The following KHDRBS2 variants were observed in gnomAD, a reference collection of about 807,000 sequenced individuals.
KHDRBS2 encodes the protein KH domain-containing, RNA-binding, signal transduction-associated protein 2.
KHDRBS2 carries 26 observed loss-of-function variants against 44.3 expected under a neutral mutation model. That is an observed-to-expected ratio of 0.59 (90% CI 0.43 to 0.81). KHDRBS2 has a LOEUF of 0.81. Among genes scored for constraint, KHDRBS2 ranks in the 40% least tolerant of loss-of-function variants. KHDRBS2 has a pLI of 0.00. For synonymous variants in KHDRBS2, 194 were observed against 151.1 expected, an observed-to-expected ratio of 1.28 and a Z score of -2.08; for missense variants, 476 against 433.1, an observed-to-expected ratio of 1.10 and a Z score of -0.88.
intron 4 of KHDRBS2, among the ~76,000 whole-genome samples, chr6:61,939,547 TA>T (rs5876758): frequency 1.3e-5 from 2 of 151,724 alleles, no homozygotes; most frequent in African/African-American, 4.8e-5. Flanking sequence ...GAACAATGGG[TA>T]AAAAAAACAG....
At chr6:62,204,415 C>A (rs1827597704) in intron 1 of KHDRBS2, among the ~76,000 whole-genome samples, 1 of 152,066 alleles carries the variant, frequency 6.6e-6, no homozygotes. Flanking sequence ...ATCCCTTGTC[C>A]AAAACTGGTT....
the KHDRBS2 span, among the ~76,000 whole-genome samples, chr6:61,611,319 A>C: frequency 6.6e-6 from 1 of 152,216 alleles, no homozygotes; most frequent in Non-Finnish European, 1.5e-5. Flanking sequence ...TAGTGAAAAA[A>C]GTACCCAATC....
rs570088298 is a variant in KHDRBS2 at position 62,071,777 on chromosome 6, T to C, written c.220-23783A>G. On this transcript the variant is annotated intron_variant, in intron 2 of 8. Transcript: ENST00000281156. Reference sequence around the variant, plus strand: ...TATAGTTTGAAGTCAGGTAGCGTGATGCCTCCAGCTTTGTTCTTTCGGCTT... The same window carrying C: ...TATAGTTTGAAGTCAGGTAGCGTGACGCCTCCAGCTTTGTTCTTTCGGCTT... Among the ~76,000 whole-genome samples, 4 of 152,348 alleles carry C rather than the reference T, an allele frequency of 2.6e-5. No individual in the cohort carries two copies. In the South Asian group the frequency reaches 6.2e-4, roughly 24 times the overall value.
At chr6:61,544,016 A>G in the KHDRBS2 span, among the ~76,000 whole-genome samples, 1 of 152,058 alleles carries the variant, frequency 6.6e-6, no homozygotes, top group Non-Finnish European at 1.5e-5. Flanking sequence ...AGTAGTTGGA[A>G]ACAATGAATT....
intron 2 of KHDRBS2, among the ~76,000 whole-genome samples, chr6:62,064,939 AAAAC>A (rs1314950835): frequency 2.0e-5 from 3 of 151,936 alleles, no homozygotes; most frequent in East Asian, 3.9e-4. Flanking sequence ...TTACAAGAAA[AAAAC>A]AAACAACCCC....
At chr6:61,970,502 A>G (rs1330973784) in intron 4 of KHDRBS2, among the ~76,000 whole-genome samples, 1 of 152,102 alleles carries the variant, frequency 6.6e-6, no homozygotes, top group Non-Finnish European at 1.5e-5. Context: ...GAAAGCTCAC[A>G]TGCAACACTG....
intron 2 of KHDRBS2, among the ~76,000 whole-genome samples, chr6:62,125,157 A>T (rs1375269985): frequency 2.0e-5 from 3 of 152,184 alleles, no homozygotes; most frequent in Non-Finnish European, 4.4e-5. Flanking sequence ...ATGCCTCCCA[A>T]AACCCTAGCA....
intron 6 of KHDRBS2, among the ~76,000 whole-genome samples, chr6:61,784,773 G>C (rs575760155): frequency 3.9e-5 from 6 of 152,102 alleles, no homozygotes; most frequent in East Asian, 1.9e-4. Flanking sequence ...ACATGTATCC[G>C]TACAGTAATG....
chr6:61,694,773 A>T (rs1767730619), intron 8 of KHDRBS2, among the ~76,000 whole-genome samples: 1 of 152,150 alleles, frequency 6.6e-6, no homozygotes, highest in Admixed American at 6.5e-5. Context: ...AGTGGAAATT[A>T]TATAAGGAAC....
chr6:61,898,254 T>C (rs1334277302), intron 5 of KHDRBS2, among the ~76,000 whole-genome samples: 8 of 151,986 alleles, frequency 5.3e-5, no homozygotes, highest in Non-Finnish European at 1.0e-4. Flanking sequence ...ATTTTCTATT[T>C]TGTAAAGCTA....
At chr6:61,593,787 C>T in the KHDRBS2 span, among the ~76,000 whole-genome samples, 14 of 152,160 alleles carry the variant, frequency 9.2e-5, no homozygotes, top group South Asian at 2.9e-3. Context: ...TTAAGGTCCT[C>T]AAAATATCTT....
intron 2 of KHDRBS2, among the ~76,000 whole-genome samples, chr6:62,072,368 T>G (rs1481369757): frequency 6.6e-6 from 1 of 152,178 alleles, no homozygotes; most frequent in Non-Finnish European, 1.5e-5. Context: ...GGCCAGAACT[T>G]CCAACACTAC....
chr6:62,018,937 A>G (rs777643770), intron 3 of KHDRBS2, among the ~76,000 whole-genome samples: 7 of 152,122 alleles, frequency 4.6e-5, no homozygotes, highest in Non-Finnish European at 1.0e-4. Context: ...TTCTAATGTT[A>G]TTAGTTATAC....
rs558255543 is a variant in KHDRBS2 at position 62,058,802 on chromosome 6, G to C, written c.220-10808C>G. ...AAACCAATCCCAGTGTAGCAAAATAGACAATGATGAGTATTGAAGAAAACA... is the reference window on the plus strand; with the variant it reads ...AAACCAATCCCAGTGTAGCAAAATACACAATGATGAGTATTGAAGAAAACA... On this transcript the variant is annotated intron_variant, in intron 2 of 8. Coordinates refer to ENST00000281156, the MANE Select transcript of KHDRBS2 (RefSeq NM_152688.4). Among the ~76,000 whole-genome samples, 20 of 151,804 alleles carry C rather than the reference G, an allele frequency of 1.3e-4. 1 individual carries two copies. The South Asian group carries it at 3.9e-3, about 30-fold the overall frequency.
At chr6:61,787,275 T>C (rs915314424) in intron 6 of KHDRBS2, among the ~76,000 whole-genome samples, 1 of 151,564 alleles carries the variant, frequency 6.6e-6, no homozygotes, top group African/African-American at 2.4e-5. Flanking sequence ...ATCTCTTTAG[T>C]TCACATTTTT....
intron 7 of KHDRBS2, among the ~76,000 whole-genome samples, chr6:61,704,517 T>C (rs1448209452): frequency 2.0e-5 from 3 of 151,694 alleles, no homozygotes; most frequent in Non-Finnish European, 4.4e-5. Context: ...AGTGACCGCG[T>C]ATCAGTATTA....
At chr6:61,696,716 A>G (rs535742312) in intron 8 of KHDRBS2, among the ~76,000 whole-genome samples, 2 of 152,296 alleles carry the variant, frequency 1.3e-5, no homozygotes, top group South Asian at 4.1e-4. Flanking sequence ...GATTTTATAG[A>G]CTGACATCCT....
At chr6:62,025,243 G>A (rs913312993) in intron 3 of KHDRBS2, among the ~76,000 whole-genome samples, 4 of 151,428 alleles carry the variant, frequency 2.6e-5, no homozygotes, top group African/African-American at 4.8e-5. Flanking sequence ...TGTTAATGGC[G>A]ATTTACATTG....
intron 6 of KHDRBS2, among the ~76,000 whole-genome samples, chr6:61,769,904 A>ACCC (rs1780591069): frequency 6.6e-6 from 1 of 152,032 alleles, no homozygotes; most frequent in African/African-American, 2.4e-5. Context: ...TGGGTCCCTG[A>ACCC]CCCCCAAGTA....
Sources: allele counts gnomAD v4.1 joint callset (sites outside exome capture counted in the v4.1 genomes callset), GRCh38; gene constraint gnomAD v4.1.1; transcripts MANE v1.5; gene names NCBI Gene and HGNC (gene_info 2026-07-23, HGNC 2026-07-21).